Variants in BCL7C observed in about 807,000 individuals in gnomAD.
BCL7C encodes the protein B-cell CLL/lymphoma 7 protein family member C.
Under a neutral mutation model 26.2 loss-of-function variants are expected in BCL7C, and 8 were observed. That is an observed-to-expected ratio of 0.30 (90% CI 0.18 to 0.55). The LOEUF (loss-of-function observed/expected upper bound fraction) is 0.55, where lower values mean the gene tolerates loss of function less well. Among genes scored for constraint, BCL7C ranks in the 20% least tolerant of loss-of-function variants. The pLI, the probability that BCL7C is intolerant of heterozygous loss-of-function variation, is 0.93. For synonymous variants in BCL7C, 90 were observed against 116.5 expected (o/e 0.77, Z 1.47); for missense variants, 262 against 298.5 (o/e 0.88, Z 0.90).
intron 4 of BCL7C, among the ~76,000 whole-genome samples, chr16:30,891,869 C>T (rs770050076): frequency 1.2e-4 from 18 of 151,886 alleles, no homozygotes; most frequent in Non-Finnish European, 2.5e-4. Flanking sequence ...GAGGCTGGGG[C>T]CAGAGGATCC....
chr16:30,863,797 G>C (rs1466901013), intron 5 of BCL7C, among the ~76,000 whole-genome samples: 2 of 152,126 alleles, frequency 1.3e-5, no homozygotes, highest in Non-Finnish European at 2.9e-5. Flanking sequence ...CTTCCATGTA[G>C]GTTACAAGCC....
intron 5 of BCL7C, among the ~76,000 whole-genome samples, chr16:30,878,326 T>A (rs2143067393): frequency 6.6e-6 from 1 of 151,556 alleles, no homozygotes; most frequent in East Asian, 1.9e-4. Context: ...GTCAGGAGAT[T>A]GAGACCATCC....
downstream of BCL7C, among the ~76,000 whole-genome samples, chr16:30,885,563 C>G (rs1379692902): frequency 6.6e-6 from 1 of 152,026 alleles, no homozygotes; most frequent in Non-Finnish European, 1.5e-5. Flanking sequence ...GCCACTATGC[C>G]CAGCCAACTT....
At chr16:30,879,908 T>C (rs1346026389) in intron 5 of BCL7C, among the ~76,000 whole-genome samples, 1 of 151,314 alleles carries the variant, frequency 6.6e-6, no homozygotes, top group East Asian at 1.9e-4. Flanking sequence ...GAGAATTGCG[T>C]GAACCCGGGA....
At chr16:30,862,018 T>G (rs778369870) in intron 5 of BCL7C, among the ~76,000 whole-genome samples, 1 of 151,836 alleles carries the variant, frequency 6.6e-6, no homozygotes, top group Non-Finnish European at 1.5e-5. Context: ...CACTGGCTAA[T>G]TTTTTGTATT....
At position 30,868,322 on chromosome 16, in the gene BCL7C, AGAGACAGGG is replaced by A. The variant is rs2143021866; in HGVS notation, c.528+20529_528+20537del. 2.2e-5 allele frequency among the ~76,000 whole-genome samples: 3 copies of A among 138,226 alleles called. No homozygotes were observed. In the South Asian group the frequency reaches 7.2e-4, roughly 33 times the overall value. 90.7% of individuals were successfully genotyped at this position (138,226 alleles called of 152,430 possible). On this transcript the variant is annotated intron_variant, in intron 5 of 5. Coordinates refer to the BCL7C transcript ENST00000380317. ...TTTTTTTTTTTTTTGTATTTTTAGT[AGAGACAGGG>A]TTTCACCATGTTAGCCAGGATGGTC...
At chr16:30,840,724 G>A (rs1457461320) in intron 5 of BCL7C, 1 of 152,242 alleles carries the variant, frequency 6.6e-6, no homozygotes, top group Non-Finnish European at 1.5e-5. Flanking sequence ...GAGGTCCCAG[G>A]AAACTTACAG....
rs1284615403 is a variant in BCL7C at position 30,893,992 on chromosome 16, C to G, written c.-48G>C. 2.8e-6 allele frequency: 3 copies of G among 1,055,604 alleles called. No homozygotes were observed. Among genetic ancestry groups the G allele is most frequent in the Non-Finnish European group, 3.5e-6 (3 of 845,590 alleles). 65.4% of individuals were successfully genotyped at this position (1,055,604 alleles called of 1,614,324 possible). A position where few individuals can be genotyped will look rare whatever the true frequency, so the allele number is the denominator to read the frequency against. On this transcript the variant is annotated 5_prime_UTR_variant, in exon 1 of 6. Transcript: ENST00000215115. This position sits in a 1 kb window ranked among gnomAD's most constrained non-coding sequence, Gnocchi z 5.2. ...CCGAGCCCGCGGCGGGGCCGCCTCC[C>G]GTCCGGCGGGCTCAGGCTCCGCGCC...
intron 5 of BCL7C, among the ~76,000 whole-genome samples, chr16:30,854,424 G>T (rs1427090280): frequency 6.6e-6 from 1 of 152,104 alleles, no homozygotes; most frequent in Non-Finnish European, 1.5e-5. Flanking sequence ...AGGCCCTGTG[G>T]TTCTCACTGT....
At chr16:30,843,966 C>T (rs1303124509) in intron 5 of BCL7C, among the ~76,000 whole-genome samples, 1 of 147,762 alleles carries the variant, frequency 6.8e-6, no homozygotes, top group Non-Finnish European at 1.5e-5. Context: ...CTCTTAAACC[C>T]GGGAGGCAGA....
Position 30,834,751 on chromosome 16 carries a change from C to T in BCL7C, c.*197G>A, listed in dbSNP as rs1596804785. On this transcript the variant is annotated 3_prime_UTR_variant, in exon 6 of 6. Coordinates refer to the BCL7C transcript ENST00000380317. The surrounding 1 kb of genome is among the most constrained non-coding windows in gnomAD (Gnocchi z 4.3). ...TCCGAGTTCTGCCCTAAGCCCTTCC[C>T]ATGCATTCGGGCGCCAGTGGCGAGC... The T allele has an allele frequency of 8.8e-5, 49 of 555,524 alleles. No homozygotes were observed. The East Asian group carries it at 1.5e-3, about 17-fold the overall frequency. 34.4% of individuals were successfully genotyped at this position (555,524 alleles called of 1,614,324 possible).
chr16:30,845,711 ATT>A (rs2054630303), intron 5 of BCL7C, among the ~76,000 whole-genome samples: 1 of 149,098 alleles, frequency 6.7e-6, no homozygotes. Context: ...GTATTTCTGC[ATT>A]CTTTTTTTTT....
intron 4 of BCL7C, among the ~76,000 whole-genome samples, chr16:30,890,862 A>G (rs914764832): frequency 6.6e-6 from 1 of 151,794 alleles, no homozygotes; most frequent in Non-Finnish European, 1.5e-5. Flanking sequence ...GTGCATGCCT[A>G]TAATCCCAGC....
intron 5 of BCL7C, among the ~76,000 whole-genome samples, chr16:30,855,057 A>G (rs2054708321): frequency 6.6e-6 from 1 of 152,074 alleles, no homozygotes; most frequent in South Asian, 2.1e-4. Context: ...AACCACTCAG[A>G]GCTAGCAATA....
intron 5 of BCL7C, among the ~76,000 whole-genome samples, chr16:30,872,716 C>T (rs999752981): frequency 6.6e-6 from 1 of 152,162 alleles, no homozygotes; most frequent in African/African-American, 2.4e-5. Context: ...TTCCCCACCC[C>T]CTATCCTACT....
intron 5 of BCL7C, among the ~76,000 whole-genome samples, chr16:30,877,442 ATT>A (rs66607719): frequency 2.1e-3 from 300 of 140,656 alleles, no homozygotes; most frequent in Admixed American, 3.2e-3. Flanking sequence ...CTGAGTCCAG[ATT>A]TTTTTTTTTT....
At chr16:30,840,497 C>A (rs993381849) in intron 5 of BCL7C, among the ~76,000 whole-genome samples, 1 of 152,168 alleles carries the variant, frequency 6.6e-6, no homozygotes, top group African/African-American at 2.4e-5. Context: ...GGATTACAGG[C>A]GTAAGCCACT....
intron 5 of BCL7C, among the ~76,000 whole-genome samples, chr16:30,873,282 C>T (rs2054897145): frequency 6.6e-6 from 1 of 152,072 alleles, no homozygotes; most frequent in Non-Finnish European, 1.5e-5. Flanking sequence ...CAAAAAAGGC[C>T]ACATAAAGCC....
chr16:30,858,636 GCA>G (rs2054744416), intron 5 of BCL7C, among the ~76,000 whole-genome samples: 1 of 152,106 alleles, frequency 6.6e-6, no homozygotes, highest in African/African-American at 2.4e-5. Flanking sequence ...TTGGTAGTTG[GCA>G]CAGTCATTAA....
Sources: gnomAD v4.1 joint callset for allele counts (sites outside exome capture counted in the v4.1 genomes callset) on GRCh38, gnomAD v4.1.1 for gene constraint, Gnocchi (gnomAD v3.1) non-coding constraint, MANE v1.5 for transcripts, NCBI Gene and HGNC (gene_info 2026-07-23, HGNC 2026-07-21) for gene names.